The following TENT5D variants were observed in gnomAD, a reference collection of about 807,000 sequenced individuals.
TENT5D encodes the protein cancer/testis antigen 112.
For synonymous variants in TENT5D, 103 were observed against 100.6 expected, an observed-to-expected ratio of 1.02 and a Z score of -0.15; for missense variants, 191 against 287.0, an observed-to-expected ratio of 0.67 and a Z score of 2.42.
At chrX:80,369,821 G>A (rs1930587178) in intron 3 of TENT5D, among the ~76,000 whole-genome samples, 1 of 112,051 alleles carries the variant, frequency 8.9e-6, no homozygotes, top group African/African-American at 3.2e-5. Context: ...GAGTATTATG[G>A]ATTTTGATAT....
intron 3 of TENT5D, among the ~76,000 whole-genome samples, chrX:80,361,880 T>A (rs1930412412): frequency 8.9e-6 from 1 of 111,800 alleles, no homozygotes; most frequent in Non-Finnish European, 1.9e-5. Context: ...TGCAGGTTGG[T>A]TACATTGGTA....
At chrX:80,397,379 G>A (rs1479481862) in intron 3 of TENT5D, among the ~76,000 whole-genome samples, 2 of 107,868 alleles carry the variant, frequency 1.9e-5, no homozygotes, top group Non-Finnish European at 3.9e-5. Context: ...GATGGCGGCC[G>A]GGAAGAGGCG....
intron 3 of TENT5D, among the ~76,000 whole-genome samples, chrX:80,412,690 T>C (rs746164213): frequency 1.4e-3 from 159 of 111,799 alleles, no homozygotes; most frequent in Non-Finnish European, 2.4e-3. Flanking sequence ...TTTTCTCTAG[T>C]TCCTAACAAG....
chrX:80,343,566 T>C (rs904030805), intron 3 of TENT5D, among the ~76,000 whole-genome samples: 3 of 108,903 alleles, frequency 2.8e-5, no homozygotes, highest in Non-Finnish European at 1.9e-5. Flanking sequence ...CCCAGCTGAT[T>C]TTTTTGTATT....
At chrX:80,399,525 A>C (rs1199867695) in intron 3 of TENT5D, among the ~76,000 whole-genome samples, 1 of 111,714 alleles carries the variant, frequency 9.0e-6, no homozygotes, top group Admixed American at 9.5e-5. Context: ...TGGGTTTTGG[A>C]CATAAGCCCG....
At chrX:80,372,744 G>A (rs1410365046) in intron 3 of TENT5D, among the ~76,000 whole-genome samples, 1 of 109,070 alleles carries the variant, frequency 9.2e-6, no homozygotes, top group African/African-American at 3.4e-5. Flanking sequence ...AAAACTATCC[G>A]AGCGTGGTGG....
intron 2 of TENT5D, among the ~76,000 whole-genome samples, chrX:80,337,884 C>T (rs1023608295): frequency 1.4e-4 from 16 of 110,666 alleles, no homozygotes; most frequent in Non-Finnish European, 3.0e-4. Context: ...CCTGCCTCAG[C>T]CTCCCGAGTA....
intron 3 of TENT5D, among the ~76,000 whole-genome samples, chrX:80,376,269 A>G (rs1024628544): frequency 9.0e-6 from 1 of 111,553 alleles, no homozygotes; most frequent in African/African-American, 3.2e-5. Context: ...AAAGTACTGA[A>G]AAGTTTCTGT....
intron 2 of TENT5D, among the ~76,000 whole-genome samples, chrX:80,339,411 T>C (rs750674236): frequency 9.0e-6 from 1 of 111,565 alleles, no homozygotes; most frequent in East Asian, 2.8e-4. Flanking sequence ...AAACTGTTTT[T>C]TCCCCCTGGG....
chrX:80,424,063 G>A (rs769673195), intron 1 of TENT5D, among the ~76,000 whole-genome samples: 1 of 110,614 alleles, frequency 9.0e-6, no homozygotes. Flanking sequence ...CCTAACTGCT[G>A]TTAGGGAGAT....
chrX:80,421,499 C>T (rs747793847), intron 1 of TENT5D, among the ~76,000 whole-genome samples: 6 of 112,174 alleles, frequency 5.3e-5, no homozygotes, highest in Admixed American at 1.9e-4. Context: ...ACTTGTATAG[C>T]TTTTAAGTAC....
intron 3 of TENT5D, among the ~76,000 whole-genome samples, chrX:80,398,564 C>A (rs1245675872): frequency 9.5e-6 from 1 of 105,397 alleles, no homozygotes. Flanking sequence ...TTTTTTTTTT[C>A]TATTTTGAGT....
intron 3 of TENT5D, among the ~76,000 whole-genome samples, chrX:80,382,621 G>A (rs992754849): frequency 9.0e-6 from 1 of 111,234 alleles, no homozygotes; most frequent in Non-Finnish European, 1.9e-5. Flanking sequence ...AGGCAGGCAG[G>A]CCTCCTTGAG....
chrX:80,336,476 T>C (rs1014508187), intron 2 of TENT5D, among the ~76,000 whole-genome samples: 2 of 110,296 alleles, frequency 1.8e-5, no homozygotes, highest in Admixed American at 9.8e-5. Flanking sequence ...CCCTATATAT[T>C]TGAGAATTAA....
At chrX:80,424,268 A>G (rs1319629661) in intron 1 of TENT5D, among the ~76,000 whole-genome samples, 1 of 111,653 alleles carries the variant, frequency 9.0e-6, no homozygotes, top group Non-Finnish European at 1.9e-5. Context: ...TTATTAGAGT[A>G]CATGTATTAA....
At chrX:80,348,422 G>A (rs775249228) in intron 3 of TENT5D, among the ~76,000 whole-genome samples, 2 of 111,132 alleles carry the variant, frequency 1.8e-5, no homozygotes, top group Non-Finnish European at 3.8e-5. Context: ...TTATTCTCTT[G>A]GTAGCAATTG....
At chrX:80,424,405 CAAAG>C (rs1425738073) in intron 1 of TENT5D, among the ~76,000 whole-genome samples, 1 of 111,962 alleles carries the variant, frequency 8.9e-6, no homozygotes, top group Non-Finnish European at 1.9e-5. Context: ...ACTTTTTAAA[CAAAG>C]AAACTTGTGG....
intron 3 of TENT5D, among the ~76,000 whole-genome samples, chrX:80,411,379 A>G (rs1164726788): frequency 8.9e-6 from 1 of 112,230 alleles, no homozygotes; most frequent in Non-Finnish European, 1.9e-5. Context: ...ATTGACACAA[A>G]TCATTTACTA....
chrX:80,440,812 A>T (rs1932269310), intron 2 of TENT5D, among the ~76,000 whole-genome samples: 2 of 111,374 alleles, frequency 1.8e-5, no homozygotes, highest in Non-Finnish European at 3.8e-5. Context: ...TTTATTAGGT[A>T]AATTGTTTTT....
Sources: allele counts gnomAD v4.1 joint callset (sites outside exome capture counted in the v4.1 genomes callset), GRCh38; gene constraint gnomAD v4.1.1; transcripts MANE v1.5; gene names NCBI Gene and HGNC (gene_info 2026-07-23, HGNC 2026-07-21).